The following CCDC146 variants were observed in gnomAD, a reference collection of about 807,000 sequenced individuals.
The protein encoded by CCDC146 is coiled-coil domain containing 146, also known as coiled-coil domain-containing protein 146.
In CCDC146, 92 loss-of-function variants were observed where a neutral mutation model predicts 119.3. The ratio of observed to expected loss-of-function variants is 0.77; its 90% confidence interval spans 0.65 to 0.92. The LOEUF is 0.92. CCDC146 is among the 40% of genes least tolerant of loss of function. CCDC146 has a pLI of 0.00. For synonymous variants in CCDC146, 372 were observed against 371.8 expected (o/e 1.00, Z -0.01); for missense variants, 1,000 against 1,103.0 (o/e 0.91, Z 1.32).
intron 2 of CCDC146, among the ~76,000 whole-genome samples, chr7:77,206,433 G>A (rs1465719702): frequency 8.6e-5 from 13 of 151,998 alleles, no homozygotes; most frequent in Admixed American, 8.5e-4. Context: ...CGGCCAATGT[G>A]GTGAAATCCC....
Position 77,274,501 on chromosome 7 carries a change from A to C in CCDC146, c.1289A>C (p.Glu430Ala). ...CAAAAGAAAATTATATCAGAAATGG[A>C]GTCTAAGTTAGTAGAACAACAACTT... The part of the protein sequence containing the change: ...LAQQKIISEM[E>A]SKLVEQQLAE... Residue 430 changes from glutamate to alanine, a missense_variant, in exon 11 of 19, where the codon GAG becomes GCG. By Grantham distance (107) the Glu-to-Ala change is moderately radical. This residue lies in a region of CCDC146 where 985 missense variants were observed against 1,045.3 expected (regional missense o/e 0.94). Coordinates refer to ENST00000285871, the MANE Select transcript of CCDC146 (RefSeq NM_020879.3). 3 of 1,573,286 alleles carry C rather than the reference A, an allele frequency of 1.9e-6. No homozygotes were observed. The highest frequency in any genetic ancestry group is 2.6e-6 in the Non-Finnish European group (3 of 1,163,604).
chr7:77,292,301 A>ATTTT (rs35258178), intron 17 of CCDC146, among the ~76,000 whole-genome samples: 9,958 of 132,524 alleles, frequency 0.075, 441 homozygotes, highest in South Asian at 0.18. Context: ...CTTTATTTTA[A>ATTTT]TTTTTTTTTT....
intron 1 of CCDC146, among the ~76,000 whole-genome samples, chr7:77,141,037 T>G (rs3114343): frequency 0.19 from 29,191 of 152,048 alleles, 3,131 homozygotes; most frequent in Non-Finnish European, 0.21. Flanking sequence ...GTCATCTACA[T>G]TAGGTATTTC....
intron 17 of CCDC146, among the ~76,000 whole-genome samples, chr7:77,288,567 G>T (rs1224665121): frequency 6.6e-6 from 1 of 152,226 alleles, no homozygotes; most frequent in African/African-American, 2.4e-5. Context: ...ATACCATAGA[G>T]CCATCAGAGG....
chr7:77,245,312 A>T (rs1310319841), intron 4 of CCDC146, among the ~76,000 whole-genome samples: 1 of 152,234 alleles, frequency 6.6e-6, no homozygotes, highest in South Asian at 2.1e-4. Flanking sequence ...TTGAAACAAA[A>T]CAGGAGTACT....
At chr7:77,124,970 A>G (rs1349840916) in intron 1 of CCDC146, among the ~76,000 whole-genome samples, 1 of 151,326 alleles carries the variant, frequency 6.6e-6, no homozygotes, top group Non-Finnish European at 1.5e-5. Flanking sequence ...AGACAGGTGG[A>G]TCACCTGAGG....
At position 77,196,741 on chromosome 7, in the gene CCDC146, G is replaced by A. The variant is rs772021463; in HGVS notation, c.156+28917G>A. On this transcript the variant is annotated intron_variant, in intron 2 of 18. Transcript: ENST00000285871. This position sits in a 1 kb window ranked among gnomAD's most constrained non-coding sequence, Gnocchi z 4.2. ...TCTTGGTCAGAAGATGAATTTTATC[G>A]TTCCCCAGCCAAAATTCCCTTCTGA... 8.1e-6 allele frequency: 13 copies of A among 1,613,774 alleles called. No homozygotes were observed. The highest frequency in any genetic ancestry group is 4.0e-5 in the African/African-American group (3 of 74,828).
At chr7:77,285,539 T>C (rs529682498) in intron 15 of CCDC146, among the ~76,000 whole-genome samples, 4 of 152,328 alleles carry the variant, frequency 2.6e-5, no homozygotes, top group Admixed American at 2.6e-4. Flanking sequence ...CAATATATTA[T>C]CTCATATGAT....
At chr7:77,278,112 A>T (rs1793684887) in intron 11 of CCDC146, among the ~76,000 whole-genome samples, 1 of 152,220 alleles carries the variant, frequency 6.6e-6, no homozygotes, top group Non-Finnish European at 1.5e-5. Context: ...CTCTGACAAA[A>T]CACCACAGAG....
intron 9 of CCDC146, among the ~76,000 whole-genome samples, chr7:77,269,494 T>C (rs532632026): frequency 1.3e-5 from 2 of 152,356 alleles, no homozygotes; most frequent in East Asian, 3.9e-4. Flanking sequence ...CTGCTATAAA[T>C]CTAATTGGAA....
At chr7:77,143,219 A>T (rs922185670) in intron 1 of CCDC146, among the ~76,000 whole-genome samples, 6 of 151,792 alleles carry the variant, frequency 4.0e-5, no homozygotes, top group African/African-American at 9.7e-5. Context: ...TCTTCTTTTG[A>T]GAAGTGTCTG....
At chr7:77,192,720 C>G (rs1322102355) in intron 2 of CCDC146, among the ~76,000 whole-genome samples, 1 of 151,962 alleles carries the variant, frequency 6.6e-6, no homozygotes, top group Admixed American at 6.6e-5. Context: ...GTCAGGAGAT[C>G]GAGACCATCC....
chr7:77,162,389 G>A (rs1481063201), intron 1 of CCDC146, among the ~76,000 whole-genome samples: 1 of 152,146 alleles, frequency 6.6e-6, no homozygotes, highest in Non-Finnish European at 1.5e-5. Flanking sequence ...CTAACACCCT[G>A]TATTGAAGAA....
At chr7:77,123,403 GGTGTGTGTGTGT>G (rs557580080) in intron 1 of CCDC146, among the ~76,000 whole-genome samples, 7,328 of 125,318 alleles carry the variant, frequency 0.058, 276 homozygotes, top group Non-Finnish European at 0.072. Context: ...GACCCTATAA[GGTGTGTGTGTGT>G]GTGTGTGTGT....
At chr7:77,291,335 C>G (rs1043342063) in intron 17 of CCDC146, among the ~76,000 whole-genome samples, 8 of 150,800 alleles carry the variant, frequency 5.3e-5, no homozygotes, top group Non-Finnish European at 7.4e-5. Context: ...TCTTTCCTGA[C>G]TCTTGAGATC....
intron 3 of CCDC146, 66 bp from the exon 4 acceptor site, chr7:77,241,625 C>T: frequency 7.1e-7 from 1 of 1,403,434 alleles, no homozygotes; most frequent in Non-Finnish European, 1.0e-6. Context: ...CTCACTAGAC[C>T]CCCACAGGAG....
chr7:77,253,118 G>A (rs1245840498), intron 4 of CCDC146, among the ~76,000 whole-genome samples: 1 of 152,194 alleles, frequency 6.6e-6, no homozygotes, highest in Admixed American at 6.5e-5. Context: ...CTGCTTATGA[G>A]TTCATGCCAC....
chr7:77,290,516 A>C (rs1252424607), intron 17 of CCDC146, among the ~76,000 whole-genome samples: 1 of 152,226 alleles, frequency 6.6e-6, no homozygotes, highest in Non-Finnish European at 1.5e-5. Flanking sequence ...ATGCTAATTT[A>C]CTCAAAGTGC....
At chr7:77,248,299 A>G (rs376359341) in intron 4 of CCDC146, among the ~76,000 whole-genome samples, 1 of 152,198 alleles carries the variant, frequency 6.6e-6, no homozygotes, top group East Asian at 1.9e-4. Context: ...AGGGTGAAGG[A>G]TGAGAAATGA....
Sources: allele counts gnomAD v4.1 joint callset (sites outside exome capture counted in the v4.1 genomes callset), GRCh38; gene constraint gnomAD v4.1.1; regional missense constraint gnomAD v4.1.1; non-coding constraint Gnocchi (gnomAD v3.1); transcripts MANE v1.5; gene names NCBI Gene and HGNC (gene_info 2026-07-23, HGNC 2026-07-21).